Variants in ATP8A2 observed in about 807,000 individuals in gnomAD.
ATP8A2 encodes the protein ATPase phospholipid transporting 8A2.
ATP8A2 carries 100 observed loss-of-function variants against 165.6 expected under a neutral mutation model. That is an observed-to-expected ratio of 0.60 (90% CI 0.51 to 0.71). The LOEUF is 0.71. Ranked by LOEUF, ATP8A2 falls within the 30% of genes least tolerant of loss-of-function variation. The pLI, the probability that ATP8A2 is intolerant of heterozygous loss-of-function variation, is 0.00. For synonymous variants in ATP8A2, 543 were observed against 548.8 expected (o/e 0.99, Z 0.15); for missense variants, 1,227 against 1,479.5 (o/e 0.83, Z 2.80).
chr13:25,670,601 T>C (rs7325517), intron 24 of ATP8A2, among the ~76,000 whole-genome samples: 2,456 of 152,308 alleles, frequency 0.016, 65 homozygotes, highest in African/African-American at 0.056. Context: ...GGCACACCTG[T>C]ATAGCTAACA....
intron 33 of ATP8A2, among the ~76,000 whole-genome samples, chr13:25,883,462 A>G (rs144875044): frequency 2.0e-5 from 3 of 152,298 alleles, no homozygotes; most frequent in African/African-American, 7.2e-5. Flanking sequence ...TATGATTACA[A>G]ACTGGGGTGT....
At chr13:25,443,504 A>C (rs1272035927) in intron 1 of ATP8A2, among the ~76,000 whole-genome samples, 1 of 152,230 alleles carries the variant, frequency 6.6e-6, no homozygotes, top group East Asian at 1.9e-4. Flanking sequence ...TAAGTATGTA[A>C]TGTGAGTGGA....
intron 33 of ATP8A2, among the ~76,000 whole-genome samples, chr13:25,938,560 A>G (rs895586032): frequency 6.6e-5 from 10 of 151,306 alleles, no homozygotes; most frequent in African/African-American, 2.2e-4. Context: ...TTTCACCTGA[A>G]TTATGGTTGT....
intron 24 of ATP8A2, among the ~76,000 whole-genome samples, chr13:25,646,545 G>A (rs56701848): frequency 0.034 from 5,200 of 151,032 alleles, 152 homozygotes; most frequent in East Asian, 0.13. Context: ...AATCCCAGCT[G>A]CTTGGGAGGC....
chr13:25,872,137 C>G (rs1378467610), intron 33 of ATP8A2, among the ~76,000 whole-genome samples: 1 of 150,456 alleles, frequency 6.6e-6, no homozygotes, highest in African/African-American at 2.4e-5. Context: ...GTGACCCAAA[C>G]TGGTCAGCCG....
chr13:25,380,671 T>C (rs1447519973), intron 1 of ATP8A2, among the ~76,000 whole-genome samples: 2 of 152,216 alleles, frequency 1.3e-5, no homozygotes, highest in Non-Finnish European at 2.9e-5. Context: ...TATATTTCTA[T>C]TGGTGAACAA....
chr13:25,603,044 C>T (rs1421974214), intron 24 of ATP8A2, among the ~76,000 whole-genome samples: 3 of 152,030 alleles, frequency 2.0e-5, no homozygotes, highest in African/African-American at 7.2e-5. Context: ...TGCACTCCAG[C>T]CTGGGCAACA....
Position 25,953,545 on chromosome 13 carries a change from A to AAAAAACAAC in ATP8A2, c.3184-8029_3184-8028insAAAACAACA, listed in dbSNP as rs1566299785. On this transcript the variant is annotated intron_variant, in intron 33 of 36. Transcript: ENST00000381655. The surrounding 1 kb of genome is among the most constrained non-coding windows in gnomAD (Gnocchi z 6.7). ...TTTAAAAAAAAAAAAAAAAAAAAAA[A>AAAAAACAAC]AGCAAGGGAAATAGGCAAGACGGCC... is the stretch of plus-strand genomic sequence containing the variant. Among the ~76,000 whole-genome samples the AAAAAACAAC allele has an allele frequency of 2.5e-4, 31 of 122,798 alleles. No individual in the cohort carries two copies. Among genetic ancestry groups the AAAAAACAAC allele is most frequent in the African/African-American group, 1.0e-3 (29 of 27,762 alleles). 80.6% of individuals were successfully genotyped at this position (122,798 alleles called of 152,430 possible). A position where few individuals can be genotyped will look rare whatever the true frequency, so the allele number is the denominator to read the frequency against.
chr13:25,933,363 G>A (rs902632982), intron 33 of ATP8A2, among the ~76,000 whole-genome samples: 2 of 152,206 alleles, frequency 1.3e-5, no homozygotes, highest in Non-Finnish European at 2.9e-5. Context: ...AAGCTAGACC[G>A]CTTCTGTCTG....
Position 25,760,734 on chromosome 13 carries a change from A to C in ATP8A2, c.2385-8312A>C, listed in dbSNP as rs76438319. Among the ~76,000 whole-genome samples the C allele has an allele frequency of 1.7e-3, 259 of 152,344 alleles. 1 individual carries two copies. Among genetic ancestry groups the C allele is most frequent in the African/African-American group, 5.9e-3 (247 of 41,578 alleles). Reference sequence around the variant, plus strand: ...GTAAATGTTAATGTATTTTTGCAGTAGCATATTAACATACATAATATTTTC... The same window carrying C: ...GTAAATGTTAATGTATTTTTGCAGTCGCATATTAACATACATAATATTTTC... On this transcript the variant is annotated intron_variant, in intron 25 of 36. Transcript: ENST00000381655.
chr13:25,534,598 G>A (rs1307213619), intron 6 of ATP8A2, among the ~76,000 whole-genome samples: 3 of 152,186 alleles, frequency 2.0e-5, no homozygotes, highest in Non-Finnish European at 2.9e-5. Context: ...ACTCATGACT[G>A]TTTCCATCGT....
intron 24 of ATP8A2, among the ~76,000 whole-genome samples, chr13:25,604,416 A>C (rs1190314486): frequency 6.6e-6 from 1 of 152,174 alleles, no homozygotes; most frequent in Non-Finnish European, 1.5e-5. Flanking sequence ...GGAGAAAACA[A>C]AAGAAGTTTA....
intron 1 of ATP8A2, among the ~76,000 whole-genome samples, chr13:25,423,759 G>T (rs2034364977): frequency 6.6e-6 from 1 of 152,128 alleles, no homozygotes; most frequent in African/African-American, 2.4e-5. Flanking sequence ...CAGATGTTTG[G>T]CATAGATCTT....
chr13:25,494,237 GT>G (rs2036608139), intron 2 of ATP8A2, among the ~76,000 whole-genome samples: 2 of 152,120 alleles, frequency 1.3e-5, no homozygotes, highest in Non-Finnish European at 2.9e-5. Flanking sequence ...GTTGAATAAT[GT>G]ACTTCCGTTT....
chr13:25,870,175 G>T (rs559812268), intron 33 of ATP8A2, among the ~76,000 whole-genome samples: 2 of 152,168 alleles, frequency 1.3e-5, no homozygotes, highest in Admixed American at 1.3e-4. Context: ...CGGCGCGCGG[G>T]TGCCTGTCCG....
chr13:25,855,141 C>G (rs529513984), intron 30 of ATP8A2, among the ~76,000 whole-genome samples: 5 of 151,628 alleles, frequency 3.3e-5, no homozygotes, highest in African/African-American at 9.7e-5. Context: ...ATCCCAGCTA[C>G]TTGGGAGGCT....
chr13:25,575,765 C>T (rs557838915), intron 19 of ATP8A2, among the ~76,000 whole-genome samples: 3 of 152,044 alleles, frequency 2.0e-5, no homozygotes, highest in African/African-American at 7.2e-5. Flanking sequence ...AGTGTCCCTG[C>T]GTGTGGAGGT....
intron 24 of ATP8A2, among the ~76,000 whole-genome samples, chr13:25,632,572 C>A (rs754245297): frequency 2.0e-5 from 3 of 152,126 alleles, no homozygotes; most frequent in Non-Finnish European, 4.4e-5. Flanking sequence ...CATTACAGAC[C>A]CCCCTGACTT....
chr13:25,529,765 C>T (rs1041955365), intron 2 of ATP8A2, among the ~76,000 whole-genome samples: 30 of 152,274 alleles, frequency 2.0e-4, no homozygotes, highest in African/African-American at 7.2e-4. Context: ...TAAAGAAGCA[C>T]ATGTATATCT....
Sources: gnomAD v4.1 joint callset for allele counts (sites outside exome capture counted in the v4.1 genomes callset) on GRCh38, gnomAD v4.1.1 for gene constraint, Gnocchi (gnomAD v3.1) non-coding constraint, MANE v1.5 for transcripts, NCBI Gene and HGNC (gene_info 2026-07-23, HGNC 2026-07-21) for gene names.